Variants in TLE4 observed in about 807,000 individuals in gnomAD.
TLE4 encodes the protein TLE family member 4, transcriptional corepressor.
TLE4 carries 8 observed loss-of-function variants against 92.8 expected under a neutral mutation model. The ratio of observed to expected loss-of-function variants is 0.09; its 90% CI spans 0.05 to 0.16. The LOEUF is 0.16. Ranked by LOEUF, TLE4 falls within the 10% of genes least tolerant of loss-of-function variation. The pLI, the probability that TLE4 is intolerant of heterozygous loss-of-function variation, is 1.00. For synonymous variants in TLE4, 371 were observed against 374.1 expected (o/e 0.99, Z 0.10); for missense variants, 675 against 997.6 (o/e 0.68, Z 4.36).
intron 5 of TLE4, among the ~76,000 whole-genome samples, chr9:79,623,998 G>A (rs2051789917): frequency 6.6e-6 from 1 of 152,034 alleles, no homozygotes; most frequent in South Asian, 2.1e-4. Context: ...GAGGGAACAA[G>A]CAGGAAGTAG....
At chr9:79,717,258 A>T (rs1246698688) in intron 14 of TLE4, among the ~76,000 whole-genome samples, 1 of 152,154 alleles carries the variant, frequency 6.6e-6, no homozygotes, top group African/African-American at 2.4e-5. Context: ...CCCTTGAGTT[A>T]TGCTTTCCTG....
intron 8 of TLE4, among the ~76,000 whole-genome samples, chr9:79,679,125 G>A (rs1378593008): frequency 6.6e-6 from 1 of 151,910 alleles, no homozygotes; most frequent in East Asian, 1.9e-4. Context: ...ATAGTCCTTT[G>A]GGTATATACC....
intron 5 of TLE4, among the ~76,000 whole-genome samples, chr9:79,624,743 T>A (rs2052040711): frequency 6.6e-6 from 1 of 152,234 alleles, no homozygotes. Flanking sequence ...AATTGGAATC[T>A]AGTTCATGAA....
intron 4 of TLE4, among the ~76,000 whole-genome samples, chr9:79,578,798 G>C (rs2038755084): frequency 6.6e-6 from 1 of 150,632 alleles, no homozygotes; most frequent in African/African-American, 2.4e-5. Context: ...TTTGGTAACT[G>C]AGTAAATAGC....
chr9:79,640,577 A>G (rs1325835683), intron 6 of TLE4, among the ~76,000 whole-genome samples: 3 of 152,054 alleles, frequency 2.0e-5, no homozygotes, highest in South Asian at 2.1e-4. Flanking sequence ...TTATGTTCCA[A>G]ATTTCCAGGG....
intron 2 of TLE4, chr9:79,574,022 C>T: frequency 3.2e-6 from 1 of 310,114 alleles, no homozygotes; most frequent in Non-Finnish European, 5.9e-6. Context: ...ACTGGGGAGA[C>T]TTGGAAAACG....
intron 1 of TLE4, 62 bp downstream of exon 1, chr9:79,572,897 T>C: frequency 6.5e-7 from 1 of 1,534,398 alleles, no homozygotes; most frequent in Middle Eastern, 1.7e-4. Context: ...CGTCGCCCCC[T>C]GCGCACCGAG....
intron 4 of TLE4, among the ~76,000 whole-genome samples, chr9:79,594,299 A>G (rs1334158985): frequency 1.3e-5 from 2 of 152,218 alleles, no homozygotes; most frequent in African/African-American, 4.8e-5. Context: ...CATTTTGAGT[A>G]GCAAGGAGCC....
chr9:79,614,590 G>A (rs529980557), intron 5 of TLE4, among the ~76,000 whole-genome samples: 19 of 152,210 alleles, frequency 1.2e-4, no homozygotes, highest in African/African-American at 3.1e-4. Context: ...GGGAAGAAAG[G>A]TGTCATACTT....
At chr9:79,676,476 C>T (rs2063278059) in intron 8 of TLE4, among the ~76,000 whole-genome samples, 1 of 152,096 alleles carries the variant, frequency 6.6e-6, no homozygotes, top group African/African-American at 2.4e-5. Context: ...GACTGCCACC[C>T]AACTAAGGTA....
At position 79,708,709 on chromosome 9, in the gene TLE4, C is replaced by A; in HGVS notation, c.1186C>A (p.Leu396Ile). The A allele has an allele frequency of 6.2e-7, 1 of 1,613,304 alleles. No homozygotes were observed. Residue 396 changes from leucine to isoleucine, a missense_variant, in exon 13 of 20, where the codon CTC becomes ATC. Coordinates refer to ENST00000376552, the MANE Select transcript of TLE4 (RefSeq NM_007005.6). ...CAGCCCCGGAGCGGCCTACGCTGGG[C>A]TCCACAACATCTCCCCTCAGATGAG... ...LTSPGAAYAG[L>I]HNISPQMSAA...
At chr9:79,606,199 T>TG (rs2046869911) in intron 4 of TLE4, among the ~76,000 whole-genome samples, 2 of 89,994 alleles carry the variant, frequency 2.2e-5, no homozygotes, top group African/African-American at 4.9e-5. Context: ...TTTTTTTTTT[T>TG]TTTTTTTTTT....
intron 2 of TLE4, chr9:79,574,337 A>T (rs970094219): frequency 6.6e-6 from 1 of 152,362 alleles, no homozygotes; most frequent in African/African-American, 2.4e-5. Context: ...CATAAATGCA[A>T]GAACCAAAAC....
At chr9:79,607,159 A>G (rs895780635) in intron 4 of TLE4, among the ~76,000 whole-genome samples, 1 of 152,204 alleles carries the variant, frequency 6.6e-6, no homozygotes, top group East Asian at 1.9e-4. Context: ...TGTTGACTGC[A>G]TAAATGTCTT....
intron 8 of TLE4, 42 bp downstream of exon 8, chr9:79,654,117 G>A (rs2059417990): frequency 1.9e-6 from 3 of 1,585,280 alleles, no homozygotes; most frequent in Admixed American, 1.7e-5. Context: ...GCTTAAAAGG[G>A]CTGTAAATGA....
intron 4 of TLE4, among the ~76,000 whole-genome samples, chr9:79,587,201 AT>A (rs1486470717): frequency 6.6e-6 from 1 of 152,168 alleles, no homozygotes; most frequent in South Asian, 2.1e-4. Flanking sequence ...TAATTTTTTC[AT>A]TTTATTGCAT....
chr9:79,622,439 A>G (rs1052126432), intron 5 of TLE4, among the ~76,000 whole-genome samples: 52 of 152,162 alleles, frequency 3.4e-4, no homozygotes, highest in South Asian at 2.1e-4. Context: ...TTCTTCATCT[A>G]CAGAATTCCT....
At chr9:79,626,643 A>G (rs1222198194) in intron 5 of TLE4, among the ~76,000 whole-genome samples, 2 of 152,234 alleles carry the variant, frequency 1.3e-5, no homozygotes, top group Non-Finnish European at 1.5e-5. Flanking sequence ...AAAAATTACT[A>G]ACATCAGTTC....
At chr9:79,614,608 G>GTT (rs1396449348) in intron 5 of TLE4, among the ~76,000 whole-genome samples, 10 of 152,080 alleles carry the variant, frequency 6.6e-5, no homozygotes, top group African/African-American at 2.2e-4. Context: ...CTTAACTGTT[G>GTT]TCATACCACT....
Sources: allele counts gnomAD v4.1 joint callset (sites outside exome capture counted in the v4.1 genomes callset), GRCh38; gene constraint gnomAD v4.1.1; transcripts MANE v1.5; gene names NCBI Gene and HGNC (gene_info 2026-07-23, HGNC 2026-07-21).